Variants in SHPRH observed in about 807,000 individuals in gnomAD.
The protein encoded by SHPRH is SNF2 histone linker PHD RING helicase.
In SHPRH, 106 loss-of-function variants were observed where a neutral mutation model predicts 202.5. The ratio of observed to expected loss-of-function variants is 0.52; its 90% CI spans 0.45 to 0.62. The LOEUF (loss-of-function observed/expected upper bound fraction) is 0.62. Among genes scored for constraint, SHPRH ranks in the 20% least tolerant of loss-of-function variants. The probability of loss-of-function intolerance (pLI) is 0.00; values close to 1 mark genes in which losing one functional copy is unlikely to be tolerated. For synonymous variants in SHPRH, 729 were observed against 686.0 expected (o/e 1.06, Z -0.98); for missense variants, 1,710 against 2,020.0 (o/e 0.85, Z 2.94).
At chr6:145,862,196 T>G (rs1328597096), downstream of SHPRH, among the ~76,000 whole-genome samples, 1 of 151,566 alleles carries the variant, frequency 6.6e-6, no homozygotes, top group Non-Finnish European at 1.5e-5. Context: ...GCACGGTGGC[T>G]CACGCCTGTA....
intron 2 of SHPRH, among the ~76,000 whole-genome samples, chr6:145,873,607 C>T (rs938654985): frequency 2.6e-5 from 4 of 151,222 alleles, no homozygotes; most frequent in Admixed American, 1.3e-4. Context: ...GAGAAGAAAC[C>T]AGCATGCCCA....
At chr6:145,902,933 T>C (rs1476126455) in intron 25 of SHPRH, among the ~76,000 whole-genome samples, 1 of 152,128 alleles carries the variant, frequency 6.6e-6, no homozygotes, top group Non-Finnish European at 1.5e-5. Flanking sequence ...TTAGTTTATA[T>C]CTTAGAAGTC....
chr6:145,923,919 G>A lies in SHPRH; in HGVS notation c.3403-134C>T, dbSNP rs542395452. The A allele has an allele frequency of 4.9e-6, 4 of 820,164 alleles. No homozygotes were observed. The African/African-American group carries it at 6.9e-5, about 14-fold the overall frequency. 50.8% of individuals were successfully genotyped at this position (820,164 alleles called of 1,614,324 possible). ...TTCTCAAAGGGACTATCACAGAGGG[G>A]AGACGAGTATACATATTCCATGTAC... On this transcript the variant is annotated intron_variant, in intron 17 of 29. Transcript: ENST00000275233.
rs371678956 is a variant in SHPRH, at chr6:145,918,243, T to C, written c.4153-11A>G. 137 of 1,497,624 alleles carry C rather than the reference T, an allele frequency of 9.1e-5. 1 individual carries two copies. The African/African-American group carries it at 1.7e-3, about 19-fold the overall frequency. The allele number at this position is 1,497,624 out of a possible 1,614,324, so 92.8% of individuals were successfully genotyped here. On this transcript the variant is annotated splice_polypyrimidine_tract_variant and intron_variant, in intron 22 of 29. Coordinates refer to ENST00000275233, the MANE Select transcript of SHPRH (RefSeq NM_001042683.3). ...TCGGTTTTGTTCTACCTAAAGAAAA[T>C]AAAAATAAAAACTTCTTTATTCTTT... is the stretch of plus-strand genomic sequence containing the variant.
intron 2 of SHPRH, among the ~76,000 whole-genome samples, chr6:145,864,977 ACTTT>A (rs1368761131): frequency 6.6e-6 from 1 of 151,144 alleles, no homozygotes; most frequent in Non-Finnish European, 1.5e-5. Flanking sequence ...ACACACACAC[ACTTT>A]GAGACCGTGG....
At chr6:145,960,984 C>T (rs1318158665) in intron 1 of SHPRH, among the ~76,000 whole-genome samples, 1 of 152,102 alleles carries the variant, frequency 6.6e-6, no homozygotes, top group Non-Finnish European at 1.5e-5. Context: ...ATGCAGTTCA[C>T]GATAGCATTC....
In SHPRH at chr6:145,899,699, G is replaced by A. The variant is rs558804932; in HGVS notation, c.4516-4722C>T. 3.3e-5 allele frequency among the ~76,000 whole-genome samples: 5 copies of A among 152,104 alleles called. No homozygotes were observed. In the South Asian group the frequency reaches 6.2e-4, roughly 19 times the overall value. ...AGTTAACAAGCTTCTGCACAGCAAA[G>A]GAAATAATCAACAAAGACAATCTAC... On this transcript the variant is annotated intron_variant, in intron 25 of 29. Transcript: ENST00000275233.
intron 16 of SHPRH, 120 bp from the exon 17 acceptor site, chr6:145,924,966 A>G (rs958718213): frequency 1.4e-6 from 1 of 694,760 alleles, no homozygotes; most frequent in Non-Finnish European, 2.3e-6. Context: ...TTTAAACATA[A>G]AAGTCCAAGT....
At chr6:145,948,523 A>T (rs1251659939) in intron 4 of SHPRH, among the ~76,000 whole-genome samples, 173 bp from the exon 5 acceptor site, 1 of 152,014 alleles carries the variant, frequency 6.6e-6, no homozygotes, top group Non-Finnish European at 1.5e-5. Context: ...AAAAGCTAAA[A>T]GTCCCTCTAT....
In SHPRH at chr6:145,913,392, GA is replaced by G; in HGVS notation, c.4326+85del. ...TGCCTTTCATAGAAACTAGTGGTGAGAAAAACGAGAGAAAGATTTTATGTAG... is the reference window on the plus strand; with the variant it reads ...TGCCTTTCATAGAAACTAGTGGTGAGAAAACGAGAGAAAGATTTTATGTAG... On this transcript the variant is annotated intron_variant, in intron 24 of 29. Transcript: ENST00000275233. 2.1e-5 allele frequency: 27 copies of G among 1,287,222 alleles called. No individual in the cohort carries two copies. In the South Asian group the frequency reaches 3.5e-4, roughly 17 times the overall value. 79.7% of individuals were successfully genotyped at this position (1,287,222 alleles called of 1,614,324 possible).
Position 145,885,851 on chromosome 6 carries a change from A to T in SHPRH, c.*840T>A, listed in dbSNP as rs556155775. ...CCAAGACATCAGTATAATAATGATT[A>T]AAAAAAAAACCCTGCCATATTTCCA... is the stretch of plus-strand genomic sequence containing the variant. On this transcript the variant is annotated 3_prime_UTR_variant, in exon 30 of 30. Transcript: ENST00000275233. 5.4e-5 allele frequency: 8 copies of T among 148,446 alleles called. No homozygotes were observed. In the South Asian group the frequency reaches 8.6e-4, roughly 16 times the overall value. The allele number at this position is 148,446 out of a possible 1,614,324, so 9.2% of individuals were successfully genotyped here.
chr6:145,962,047 G>A (rs904649153), intron 1 of SHPRH, among the ~76,000 whole-genome samples: 3 of 151,850 alleles, frequency 2.0e-5, no homozygotes, highest in Admixed American at 2.0e-4. Context: ...TTAATTAGCA[G>A]TGTTTGGGTA....
intron 23 of SHPRH, among the ~76,000 whole-genome samples, chr6:145,914,458 C>T (rs1188645805): frequency 6.6e-6 from 1 of 152,106 alleles, no homozygotes; most frequent in Non-Finnish European, 1.5e-5. Context: ...GCCTTGTGGG[C>T]CATATGATCT....
downstream of SHPRH, among the ~76,000 whole-genome samples, chr6:145,882,844 A>T (rs190156787): frequency 1.3e-4 from 20 of 152,290 alleles, no homozygotes; most frequent in Admixed American, 1.3e-3. Context: ...AAATAATAAA[A>T]TATGCAGAAA....
downstream of SHPRH, among the ~76,000 whole-genome samples, chr6:145,880,876 TAA>T (rs958464092): frequency 8.5e-5 from 13 of 152,244 alleles, no homozygotes; most frequent in South Asian, 8.3e-4. Context: ...TCAAGCATCC[TAA>T]AAGAGTTTCG....
At chr6:145,952,675 C>A (rs1426537243) in intron 2 of SHPRH, among the ~76,000 whole-genome samples, 197 bp from the exon 3 acceptor site, 1 of 152,014 alleles carries the variant, frequency 6.6e-6, no homozygotes, top group Non-Finnish European at 1.5e-5. Flanking sequence ...TAAGTGCCTA[C>A]AATGTACAAT....
intron 2 of SHPRH, among the ~76,000 whole-genome samples, chr6:145,879,481 ATT>A (rs1413095324): frequency 1.3e-5 from 2 of 152,200 alleles, no homozygotes; most frequent in Admixed American, 1.3e-4. Flanking sequence ...ACTTAAAAAA[ATT>A]CTTTCCTTTT....
chr6:145,892,377 T>C (rs1781641306), intron 28 of SHPRH, among the ~76,000 whole-genome samples: 1 of 152,166 alleles, frequency 6.6e-6, no homozygotes, highest in African/African-American at 2.4e-5. Flanking sequence ...ACAGTCCTTT[T>C]ATTATTATAC....
chr6:145,910,670 C>T, intron 24 of SHPRH, 34 bp from the exon 25 acceptor site: 2 of 1,489,506 alleles, frequency 1.3e-6, no homozygotes, highest in Non-Finnish European at 1.8e-6. Flanking sequence ...TTAGTGCTAT[C>T]AAAGATGCCT....
Sources: allele counts gnomAD v4.1 joint callset (sites outside exome capture counted in the v4.1 genomes callset), GRCh38; gene constraint gnomAD v4.1.1; transcripts MANE v1.5; gene names NCBI Gene and HGNC (gene_info 2026-07-23, HGNC 2026-07-21).